SLC9A9: variants seen among roughly 807,000 people sequenced by gnomAD.
The protein encoded by SLC9A9 is sodium/hydrogen exchanger 9.
A neutral mutation model predicts 77.8 loss-of-function variants in SLC9A9; 62 were observed. That is an observed-to-expected ratio of 0.80 (90% CI 0.65 to 0.98). The LOEUF is 0.98. Among genes scored for constraint, SLC9A9 ranks in the 50% least tolerant of loss-of-function variants. The pLI, the probability that SLC9A9 is intolerant of heterozygous loss-of-function variation, is 0.00. For missense variants in SLC9A9, 775 were observed against 774.9 expected, an observed-to-expected ratio of 1.00 and a Z score of 0.00; for synonymous variants, 320 against 283.5, an observed-to-expected ratio of 1.13 and a Z score of -1.29.
intron 4 of SLC9A9, among the ~76,000 whole-genome samples, chr3:143,710,920 G>A (rs1934126538): frequency 6.6e-6 from 1 of 152,090 alleles, no homozygotes; most frequent in Non-Finnish European, 1.5e-5. Flanking sequence ...GCAACTCTCT[G>A]GATTTTCCCC....
rs558154781 is a variant in SLC9A9, at chr3:143,378,822, T to C, written c.1524+3238A>G. On this transcript the variant is annotated intron_variant, in intron 13 of 15. Coordinates refer to ENST00000316549, the MANE Select transcript of SLC9A9 (RefSeq NM_173653.4). ...CATGAAGTATGCATCCAGAGTGTGA[T>C]ATCTGCATATGGAACATGCTCTCTA... 5.4e-4 allele frequency among the ~76,000 whole-genome samples: 83 copies of C among 152,328 alleles called. 1 individual carries two copies. Among genetic ancestry groups the C allele is most frequent in the African/African-American group, 2.0e-3 (82 of 41,572 alleles).
intron 14 of SLC9A9, among the ~76,000 whole-genome samples, chr3:143,308,475 C>T (rs925793362): frequency 3.9e-5 from 6 of 151,908 alleles, no homozygotes; most frequent in Non-Finnish European, 7.4e-5. Context: ...ACTTGGGAGG[C>T]TGAGGCAGGA....
intron 4 of SLC9A9, among the ~76,000 whole-genome samples, chr3:143,761,667 C>T (rs1160078635): frequency 1.3e-5 from 2 of 152,170 alleles, no homozygotes; most frequent in South Asian, 2.1e-4. Flanking sequence ...GTTAGAATGG[C>T]GATCATTAAA....
At position 143,266,631 on chromosome 3, in the gene SLC9A9, T is replaced by G. The variant is rs1462734413; in HGVS notation, c.*71A>C. On this transcript the variant is annotated 3_prime_UTR_variant, in exon 16 of 16. Coordinates refer to ENST00000316549, the MANE Select transcript of SLC9A9 (RefSeq NM_173653.4). ...TTTCCAGCCTCTCCCCTGTACTGCC[T>G]CATCAGCTTGGCTTGTATTCCTCAG... 3 of 1,496,326 alleles carry G rather than the reference T, an allele frequency of 2.0e-6. No homozygotes were observed. Among genetic ancestry groups the G allele is most frequent in the Non-Finnish European group, 2.8e-6 (3 of 1,076,828 alleles). The allele number at this position is 1,496,326 out of a possible 1,614,324, so 92.7% of individuals were successfully genotyped here.
intron 2 of SLC9A9, among the ~76,000 whole-genome samples, chr3:143,808,327 G>A (rs1199379625): frequency 6.6e-6 from 1 of 152,144 alleles, no homozygotes; most frequent in East Asian, 1.9e-4. Flanking sequence ...TTTTTGGACT[G>A]CCACAATCAA....
chr3:143,749,699 G>A (rs1421098663), intron 4 of SLC9A9, among the ~76,000 whole-genome samples: 1 of 152,180 alleles, frequency 6.6e-6, no homozygotes, highest in Non-Finnish European at 1.5e-5. Flanking sequence ...TGGTTCAATA[G>A]TTGTTCTGCT....
At position 143,613,588 on chromosome 3, in the gene SLC9A9, A is replaced by G. The variant is rs536405868; in HGVS notation, c.756-34865T>C. ...TGTAAGGTCTGATGGTAGAATTATA[A>G]CTTTCTTTTGTTTTTTTATAATTGG... On this transcript the variant is annotated intron_variant, in intron 6 of 15. Transcript: ENST00000316549. Among the ~76,000 whole-genome samples, 16 of 152,304 alleles carry G rather than the reference A, an allele frequency of 1.1e-4. No individual in the cohort carries two copies. In the South Asian group the frequency reaches 3.3e-3, roughly 32 times the overall value.
intron 5 of SLC9A9, among the ~76,000 whole-genome samples, chr3:143,687,588 C>T (rs181048047): frequency 1.3e-5 from 2 of 151,970 alleles, no homozygotes; most frequent in African/African-American, 2.4e-5. Flanking sequence ...TAGCAGGCTT[C>T]GGGTTGACTT....
chr3:143,771,209 T>G (rs1005119379), intron 4 of SLC9A9, among the ~76,000 whole-genome samples: 1 of 152,166 alleles, frequency 6.6e-6, no homozygotes, highest in African/African-American at 2.4e-5. Flanking sequence ...GCAAGGGGGC[T>G]TCCTAATGGG....
At chr3:143,820,789 T>G (rs1200360697) in intron 2 of SLC9A9, among the ~76,000 whole-genome samples, 5 of 150,940 alleles carry the variant, frequency 3.3e-5, no homozygotes, top group Non-Finnish European at 7.4e-5. Flanking sequence ...TTTCTTTCTT[T>G]TTTCCAATCT....
At chr3:143,712,553 T>A (rs1275075099) in intron 4 of SLC9A9, among the ~76,000 whole-genome samples, 1 of 152,188 alleles carries the variant, frequency 6.6e-6, no homozygotes, top group Non-Finnish European at 1.5e-5. Context: ...TCTTTGACCC[T>A]AGGCAAGTTA....
At chr3:143,329,001 T>C (rs1396389460) in intron 14 of SLC9A9, among the ~76,000 whole-genome samples, 1 of 152,228 alleles carries the variant, frequency 6.6e-6, no homozygotes, top group African/African-American at 2.4e-5. Flanking sequence ...CCCTGAACTT[T>C]CCACTCGAGT....
intron 13 of SLC9A9, among the ~76,000 whole-genome samples, chr3:143,374,511 C>T (rs1559888021): frequency 6.7e-6 from 1 of 148,352 alleles, no homozygotes; most frequent in Non-Finnish European, 1.5e-5. Context: ...TCAAAGAAGA[C>T]AACCATCAAA....
chr3:143,652,739 C>T (rs1407384525), intron 5 of SLC9A9, among the ~76,000 whole-genome samples: 8 of 150,982 alleles, frequency 5.3e-5, no homozygotes, highest in Admixed American at 5.3e-4. Context: ...GCAGCAATTC[C>T]TTCCTCGTCC....
intron 14 of SLC9A9, among the ~76,000 whole-genome samples, chr3:143,348,401 A>C (rs968425195): frequency 6.6e-6 from 1 of 152,160 alleles, no homozygotes; most frequent in Admixed American, 6.5e-5. Flanking sequence ...TAATATGCCA[A>C]TTATTTACTT....
At chr3:143,825,023 A>G (rs1242115130) in intron 2 of SLC9A9, among the ~76,000 whole-genome samples, 2 of 152,216 alleles carry the variant, frequency 1.3e-5, no homozygotes, top group Non-Finnish European at 2.9e-5. Context: ...ATAGAGAAAC[A>G]CAAATCATGG....
At chr3:143,489,963 A>G (rs2035711851) in intron 11 of SLC9A9, among the ~76,000 whole-genome samples, 2 of 152,158 alleles carry the variant, frequency 1.3e-5, no homozygotes, top group Admixed American at 6.5e-5. Context: ...CAAAAGGGCA[A>G]TGAGCTATTA....
At chr3:143,760,298 C>T (rs879613009) in intron 4 of SLC9A9, among the ~76,000 whole-genome samples, 1 of 152,080 alleles carries the variant, frequency 6.6e-6, no homozygotes, top group Non-Finnish European at 1.5e-5. Context: ...GACAGAGATG[C>T]CCTCTCTCAC....
At chr3:143,502,527 C>T (rs2035938701) in intron 9 of SLC9A9, among the ~76,000 whole-genome samples, 1 of 152,036 alleles carries the variant, frequency 6.6e-6, no homozygotes, top group Non-Finnish European at 1.5e-5. Flanking sequence ...TTCTGATTGA[C>T]CTTTTTCTTC....
Sources: gnomAD v4.1 joint callset for allele counts (sites outside exome capture counted in the v4.1 genomes callset) on GRCh38, gnomAD v4.1.1 for gene constraint, MANE v1.5 for transcripts, NCBI Gene and HGNC (gene_info 2026-07-23, HGNC 2026-07-21) for gene names.